Variants in DAB2 observed in about 807,000 individuals in gnomAD.
DAB2 encodes the protein disabled homolog 2.
In DAB2, 28 loss-of-function variants were observed where a neutral mutation model predicts 71.6. The ratio of observed to expected loss-of-function variants is 0.39; its 90% CI spans 0.29 to 0.54. The LOEUF (loss-of-function observed/expected upper bound fraction) is 0.54, where lower values mean the gene tolerates loss of function less well. Among genes scored for constraint, DAB2 ranks in the 20% least tolerant of loss-of-function variants. The probability of loss-of-function intolerance (pLI) is 0.68; values close to 1 mark genes in which losing one functional copy is unlikely to be tolerated. For synonymous variants in DAB2, 345 were observed against 339.7 expected, an observed-to-expected ratio of 1.02 and a Z score of -0.17; for missense variants, 867 against 928.8, an observed-to-expected ratio of 0.93 and a Z score of 0.86.
At chr5:39,384,583 T>A (rs1755053408) in intron 9 of DAB2, among the ~76,000 whole-genome samples, 1 of 152,214 alleles carries the variant, frequency 6.6e-6, no homozygotes, top group Non-Finnish European at 1.5e-5. Context: ...CTACTAATTC[T>A]ATCCCCTCTC....
chr5:39,379,253 G>A (rs192452238), intron 11 of DAB2, among the ~76,000 whole-genome samples: 1 of 152,070 alleles, frequency 6.6e-6, no homozygotes, highest in Non-Finnish European at 1.5e-5. Flanking sequence ...CAGGAGTTCA[G>A]AACCAACCTG....
chr5:39,383,018 A>C lies in DAB2; in HGVS notation c.941T>G (p.Leu314Arg). ...DQSTPSSFDS[L>R]KSPDQKKENS... ...CTCTTTCTTCTGATCTGGAGATTTG[A>C]GAGAATCAAACGAAGAAGGTGTCGA... The change falls in exon 10 of 15, where the codon CTC (leucine) becomes CGC (arginine). Residue 314 changes from leucine (L) to arginine (R), a missense_variant. This residue lies in a region of DAB2 where 740 missense variants were observed against 734.3 expected (regional missense o/e 1.01). Coordinates refer to ENST00000320816, the MANE Select transcript of DAB2 (RefSeq NM_001343.4). 6.2e-7 allele frequency: 1 copy of C among 1,614,132 alleles called. No individual in the cohort carries two copies. Among genetic ancestry groups the C allele is most frequent in the East Asian group, 2.2e-5 (1 of 44,864 alleles).
intron 3 of DAB2, 27 bp from the exon 4 acceptor site, chr5:39,392,490 G>T (rs1382653845): frequency 1.3e-6 from 2 of 1,545,616 alleles, no homozygotes; most frequent in African/African-American, 2.7e-5. Context: ...AACAAGAGAA[G>T]TTGAATTTTT....
At chr5:39,413,065 T>A (rs1312886862) in intron 1 of DAB2, among the ~76,000 whole-genome samples, 1 of 152,110 alleles carries the variant, frequency 6.6e-6, no homozygotes, top group Non-Finnish European at 1.5e-5. Context: ...TAGATGGGAC[T>A]GGGAGGACTT....
rs760664610 is a variant in DAB2, at chr5:39,377,174, G to A, written c.1613C>T (p.Ser538Leu). 11 of 1,614,006 alleles carry A rather than the reference G, an allele frequency of 6.8e-6. No individual in the cohort carries two copies. The highest frequency in any genetic ancestry group is 9.3e-6 in the Non-Finnish European group (11 of 1,180,018). ...AAAAATGACGGGCTGACTAAAACCT[G>A]AAGGTTGACCACCCATCATGGCTCC... ...APGAMMGGQPSGFSQPVIFGT... is the reference protein window; with the variant it reads ...APGAMMGGQPLGFSQPVIFGT... The change falls in exon 12 of 15, where the codon TCA (serine) becomes TTA (leucine). Residue 538 changes from serine (S) to leucine (L), a missense_variant. Transcript: ENST00000320816.
intron 3 of DAB2, among the ~76,000 whole-genome samples, chr5:39,392,675 A>C (rs1358639062): frequency 6.6e-6 from 1 of 152,140 alleles, no homozygotes; most frequent in Non-Finnish European, 1.5e-5. Flanking sequence ...CGGACAAGTC[A>C]CTCTAATTCT....
chr5:39,424,561 G>A (rs1026216333), intron 1 of DAB2, among the ~76,000 whole-genome samples: 1 of 151,490 alleles, frequency 6.6e-6, no homozygotes, highest in African/African-American at 2.4e-5. Context: ...CACAAGCTGG[G>A]CATCTGGAGT....
intron 1 of DAB2, among the ~76,000 whole-genome samples, chr5:39,400,315 C>T (rs1263788531): frequency 6.6e-6 from 1 of 151,982 alleles, no homozygotes; most frequent in Admixed American, 6.6e-5. Context: ...TTACTGCAAC[C>T]TCTGCCTCCC....
At chr5:39,404,957 G>C (rs921540864) in intron 1 of DAB2, among the ~76,000 whole-genome samples, 14 of 152,198 alleles carry the variant, frequency 9.2e-5, no homozygotes, top group Non-Finnish European at 1.6e-4. Context: ...TTAAGGTTAT[G>C]ATCAATTTTG....
rs929233161 is a variant in DAB2 at position 39,372,824 on chromosome 5, T to A, written c.*607A>T. On this transcript the variant is annotated 3_prime_UTR_variant, in exon 15 of 15. Transcript: ENST00000320816. ...CAATCTTGGCCTTGGGAGAAATTGA[T>A]CTTCAGAAAGAAGAGAAGCTATCTC... 1.3e-5 allele frequency: 2 copies of A among 152,114 alleles called. No individual in the cohort carries two copies. The highest frequency in any genetic ancestry group is 2.9e-5 in the Non-Finnish European group (2 of 68,034). The allele number at this position is 152,114 out of a possible 1,614,324, so 9.4% of individuals were successfully genotyped here. A position where few individuals can be genotyped will look rare whatever the true frequency, so the allele number is the denominator to read the frequency against.
At chr5:39,415,726 A>T (rs991047109) in intron 1 of DAB2, among the ~76,000 whole-genome samples, 2 of 152,176 alleles carry the variant, frequency 1.3e-5, no homozygotes, top group Admixed American at 1.3e-4. Flanking sequence ...TTCATGATCA[A>T]TACAAGTAGT....
At chr5:39,392,004 C>T (rs950628214) in intron 4 of DAB2, among the ~76,000 whole-genome samples, 1 of 145,376 alleles carries the variant, frequency 6.9e-6, no homozygotes, top group African/African-American at 2.5e-5. Flanking sequence ...AGAAGTTTTA[C>T]TTTATAAATT....
At chr5:39,393,444 C>A in intron 2 of DAB2, 51 bp from the exon 3 acceptor site, 1 of 1,589,048 alleles carries the variant, frequency 6.3e-7, no homozygotes, top group Non-Finnish European at 8.6e-7. Context: ...TAATTATGAC[C>A]AAATATGCTC....
chr5:39,400,554 T>C (rs1561375209), intron 1 of DAB2, among the ~76,000 whole-genome samples: 1 of 152,128 alleles, frequency 6.6e-6, no homozygotes, highest in Non-Finnish European at 1.5e-5. Flanking sequence ...ATTTTATGAA[T>C]AATGAAATGG....
Position 39,381,634 on chromosome 5 carries a change from G to C in DAB2, c.1342-18C>G. The C allele has an allele frequency of 1.9e-6, 3 of 1,613,466 alleles. No homozygotes were observed. In the Middle Eastern group the frequency reaches 5.0e-4, roughly 268 times the overall value. ...GCTGAAGACTGACAGGACAGGGAGG[G>C]AGGGAGAAGCCTTAGTTACTCACTA... On this transcript the variant is annotated intron_variant, in intron 10 of 14. Transcript: ENST00000320816.
intron 1 of DAB2, among the ~76,000 whole-genome samples, chr5:39,395,578 G>T (rs1755342377): frequency 6.6e-6 from 1 of 152,170 alleles, no homozygotes; most frequent in East Asian, 1.9e-4. Context: ...TTTCATAGGG[G>T]TCAGTACTTA....
rs565947744 is a variant in DAB2, at chr5:39,418,559, T to C, written c.-102+6245A>G. On this transcript the variant is annotated intron_variant, in intron 1 of 14. Transcript: ENST00000320816. The stretch of plus-strand genomic sequence containing the variant: ...CAGTTCTTTGGGTATGGATTAACTA[T>C]AGACCTTAAGAGGACTTAACTGCCC... Among the ~76,000 whole-genome samples the C allele has an allele frequency of 2.6e-4, 39 of 152,326 alleles. 1 individual carries two copies. In the East Asian group the frequency reaches 3.1e-3, roughly 12 times the overall value.
In DAB2 at chr5:39,388,816, T is replaced by G. The variant is rs771193907; in HGVS notation, c.607A>C (p.Thr203Pro). ...SEALMILDDQ[T>P]NKLKSGVDQM... is the part of the protein sequence containing the mutation. ...ATACATACCGATTTCAGTTTGTTAG[T>G]TTGGTCATCTAGAATCATTAGGGCC... Residue 203 changes from threonine (T) to proline (P), a missense_variant, in exon 8 of 15, where the codon ACT becomes CCT. Around this residue, in one of 2 missense-constraint regions of DAB2, gnomAD observed 740 missense variants for 734.3 expected, o/e 1.01. Transcript: ENST00000320816. 1 of 1,613,454 alleles carries G rather than the reference T, an allele frequency of 6.2e-7. No homozygotes were observed. Among genetic ancestry groups the G allele is most frequent in the Non-Finnish European group, 8.5e-7 (1 of 1,179,454 alleles).
At chr5:39,409,470 G>A (rs891029641) in intron 1 of DAB2, among the ~76,000 whole-genome samples, 4 of 152,020 alleles carry the variant, frequency 2.6e-5, no homozygotes, top group African/African-American at 9.7e-5. Flanking sequence ...GCATAGAAAG[G>A]TTCACTTATT....
Sources: allele counts gnomAD v4.1 joint callset (sites outside exome capture counted in the v4.1 genomes callset), GRCh38; gene constraint gnomAD v4.1.1; regional missense constraint gnomAD v4.1.1; transcripts MANE v1.5; gene names NCBI Gene and HGNC (gene_info 2026-07-23, HGNC 2026-07-21).